The following CFTR variants were observed in gnomAD, a reference collection of about 807,000 sequenced individuals.
CFTR encodes cystic fibrosis transmembrane conductance regulator.
CFTR carries 181 observed loss-of-function variants against 171.6 expected under a neutral mutation model. The ratio of observed to expected loss-of-function variants is 1.05; its 90% CI spans 0.93 to 1.19. The LOEUF is 1.19. Among genes scored for constraint, CFTR ranks in the 50% most tolerant of loss-of-function variants. The probability of loss-of-function intolerance (pLI) is 0.00; values close to 1 mark genes in which losing one functional copy is unlikely to be tolerated. For synonymous variants in CFTR, 583 were observed against 608.0 expected, an observed-to-expected ratio of 0.96 and a Z score of 0.60; for missense variants, 1,968 against 1,734.7, an observed-to-expected ratio of 1.13 and a Z score of -2.39.
intron 20 of CFTR, 50 bp from the exon 21 acceptor site, chr7:117,614,563 A>C (rs1792454153): frequency 8.3e-7 from 1 of 1,209,240 alleles, no homozygotes. Context: ...AGTCGTTCAC[A>C]GAAGAGAGAA....
At chr7:117,564,294 G>A (rs575943791) in intron 11 of CFTR, among the ~76,000 whole-genome samples, 2 of 152,326 alleles carry the variant, frequency 1.3e-5, no homozygotes, top group South Asian at 2.1e-4. Flanking sequence ...AAAAGTAACT[G>A]AAAGTGCTCG....
intron 22 of CFTR, among the ~76,000 whole-genome samples, chr7:117,630,636 C>G (rs1792726242): frequency 6.6e-6 from 1 of 152,138 alleles, no homozygotes; most frequent in Non-Finnish European, 1.5e-5. Context: ...CGGGCTTCTC[C>G]CCTGCATAAG....
chr7:117,650,976 A>G (rs1793080538), intron 23 of CFTR, among the ~76,000 whole-genome samples: 1 of 152,146 alleles, frequency 6.6e-6, no homozygotes, highest in Non-Finnish European at 1.5e-5. Context: ...TCCAGCTCCT[A>G]CTATCTCCTA....
chr7:117,496,904 T>A (rs1284353617), intron 1 of CFTR, among the ~76,000 whole-genome samples: 1 of 152,088 alleles, frequency 6.6e-6, no homozygotes, highest in Non-Finnish European at 1.5e-5. Flanking sequence ...TGTGAGTTTT[T>A]TTTTTCTTTT....
rs1308796728 is a variant in CFTR at position 117,537,358 on chromosome 7, G to A, written c.869+685G>A. On this transcript the variant is annotated intron_variant, in intron 7 of 26. Transcript: ENST00000003084. ...GAGATATGATTACTGAGATAAATTT[G>A]GGCAAAATATAAACTACAGCATTTC... Among the ~76,000 whole-genome samples the A allele has an allele frequency of 2.0e-5, 3 of 152,174 alleles. No individual in the cohort carries two copies. The East Asian group carries it at 5.8e-4, about 29-fold the overall frequency.
intron 10 of CFTR, among the ~76,000 whole-genome samples, chr7:117,555,503 T>C (rs35987553): frequency 0.075 from 11,424 of 152,246 alleles, 446 homozygotes; most frequent in Middle Eastern, 0.11. Context: ...GTAAATTGCA[T>C]ATTGCAGTAA....
chr7:117,614,155 A>T (rs1257152345), intron 20 of CFTR, among the ~76,000 whole-genome samples: 1 of 151,824 alleles, frequency 6.6e-6, no homozygotes, highest in African/African-American at 2.4e-5. Context: ...AAGGCACAGA[A>T]CACACCTAAA....
At chr7:117,541,903 C>A in intron 8 of CFTR, 113 bp from the exon 9 acceptor site, 2 of 457,954 alleles carry the variant, frequency 4.4e-6, no homozygotes. Flanking sequence ...ATTACTATTT[C>A]ATTATTAAAA....
intron 11 of CFTR, among the ~76,000 whole-genome samples, chr7:117,566,863 C>G (rs1791610415): frequency 6.6e-6 from 1 of 152,156 alleles, no homozygotes; most frequent in Non-Finnish European, 1.5e-5. Context: ...AAAGTGTGAG[C>G]TAGGTTTTAG....
rs1288379581 is a variant in CFTR at position 117,667,551 on chromosome 7, G to A, written c.*443G>A. Reference sequence around the variant, plus strand: ...AGTAATGATAACTGGAAACTTCAGCGGTTTATATAAGCTTGTATTCCTTTT... The same window carrying A: ...AGTAATGATAACTGGAAACTTCAGCAGTTTATATAAGCTTGTATTCCTTTT... On this transcript the variant is annotated 3_prime_UTR_variant, in exon 27 of 27. Coordinates refer to ENST00000003084, the MANE Select transcript of CFTR (RefSeq NM_000492.4). 5 of 280,628 alleles carry A rather than the reference G, an allele frequency of 1.8e-5. No homozygotes were observed. Among genetic ancestry groups the A allele is most frequent in the African/African-American group, 2.2e-5 (1 of 45,358 alleles). 17.4% of individuals were successfully genotyped at this position (280,628 alleles called of 1,614,324 possible). A position where few individuals can be genotyped will look rare whatever the true frequency, so the allele number is the denominator to read the frequency against.
At chr7:117,554,584 T>C (rs1299931207) in intron 10 of CFTR, among the ~76,000 whole-genome samples, 4 of 151,988 alleles carry the variant, frequency 2.6e-5, no homozygotes, top group South Asian at 2.1e-4. Flanking sequence ...GATAAGATTC[T>C]AAAGGAAAGA....
intron 17 of CFTR, among the ~76,000 whole-genome samples, chr7:117,605,234 T>A (rs1792283938): frequency 6.6e-6 from 1 of 152,180 alleles, no homozygotes; most frequent in African/African-American, 2.4e-5. Context: ...CCAGGATGGT[T>A]TTTTCTTTCC....
At chr7:117,588,166 T>C (rs1250569096) in intron 12 of CFTR, among the ~76,000 whole-genome samples, 1 of 152,142 alleles carries the variant, frequency 6.6e-6, no homozygotes, top group Non-Finnish European at 1.5e-5. Context: ...AGTTCCATCA[T>C]AGACCCTGCC....
At position 117,663,263 on chromosome 7, in the gene CFTR, G is replaced by T. The variant is rs1584848064; in HGVS notation, c.3964-1425G>T. ...CACAGGTCCTCTAACTCCCTGCCCA[G>T]TGCCCTTTATTCATATTCTCAGCAC... On this transcript the variant is annotated intron_variant, in intron 24 of 26. Coordinates refer to ENST00000003084, the MANE Select transcript of CFTR (RefSeq NM_000492.4). 3.3e-5 allele frequency among the ~76,000 whole-genome samples: 5 copies of T among 152,246 alleles called. No homozygotes were observed. In the South Asian group the frequency reaches 1.0e-3, roughly 32 times the overall value.
rs140129411 is a variant in CFTR, at chr7:117,581,987, C to A, written c.1585-5752C>A. Among the ~76,000 whole-genome samples the A allele has an allele frequency of 4.1e-3, 629 of 152,152 alleles. 7 individuals carry two copies. The highest frequency in any genetic ancestry group is 0.014 in the Middle Eastern group (4 of 294). Reference sequence around the variant, plus strand: ...CCCAGGCTGGTCTTGAACTCCTGGGCTCCAGCGATTCACCTGCCTTGACCT... The same window carrying A: ...CCCAGGCTGGTCTTGAACTCCTGGGATCCAGCGATTCACCTGCCTTGACCT... On this transcript the variant is annotated intron_variant, in intron 11 of 26. Transcript: ENST00000003084.
At chr7:117,628,021 T>C in intron 22 of CFTR, 1 of 375,762 alleles carries the variant, frequency 2.7e-6, no homozygotes, top group Non-Finnish European at 4.9e-6. Flanking sequence ...AATTGCTAGG[T>C]TAATAACTAA....
intron 3 of CFTR, among the ~76,000 whole-genome samples, chr7:117,514,223 G>A (rs1300609734): frequency 6.6e-6 from 1 of 150,802 alleles, no homozygotes; most frequent in Non-Finnish European, 1.5e-5. Flanking sequence ...AGATACATGT[G>A]CGGAACATGC....
intron 24 of CFTR, among the ~76,000 whole-genome samples, chr7:117,655,609 T>C (rs910786435): frequency 6.6e-6 from 1 of 152,178 alleles, no homozygotes; most frequent in Non-Finnish European, 1.5e-5. Flanking sequence ...TTTTCTAGCA[T>C]GTACCTGAAA....
rs751972142 is a variant in CFTR, at chr7:117,667,117, A to T, written c.*9A>T. On this transcript the variant is annotated 3_prime_UTR_variant, in exon 27 of 27. Coordinates refer to ENST00000003084, the MANE Select transcript of CFTR (RefSeq NM_000492.4). ...AAGATACAAGGCTTTAGAGAGCAGC[A>T]TAAATGTTGACATGGGACATTTGCT... 11 of 1,612,444 alleles carry T rather than the reference A, an allele frequency of 6.8e-6. No individual in the cohort carries two copies. Among genetic ancestry groups the T allele is most frequent in the Non-Finnish European group, 9.3e-6 (11 of 1,178,884 alleles).
Sources: gnomAD v4.1 joint callset for allele counts (sites outside exome capture counted in the v4.1 genomes callset) on GRCh38, gnomAD v4.1.1 for gene constraint, MANE v1.5 for transcripts, NCBI Gene and HGNC (gene_info 2026-07-23, HGNC 2026-07-21) for gene names.